Variants in PTTG1IP2 observed in about 807,000 individuals in gnomAD.
PTTG1IP2 encodes the protein PTTG1IP family member 2.
At chr7:90,509,657 G>A (rs933066078) in intron 6 of PTTG1IP2, among the ~76,000 whole-genome samples, 5 of 152,156 alleles carry the variant, frequency 3.3e-5, no homozygotes, top group Non-Finnish European at 5.9e-5. Flanking sequence ...CATGAAGCCA[G>A]GGGTGTGGGT....
Position 90,513,251 on chromosome 7 carries a change from A to G in PTTG1IP2, c.*51-27A>G, listed in dbSNP as rs532502212. On this transcript the variant is annotated intron_variant, in intron 6 of 6. Transcript: ENST00000509356. ...GAGTTAGCACTGTATTGTATTTCCA[A>G]TAATGAATGTGTCTTTTTTCTTTCA... The G allele has an allele frequency of 7.7e-4, 117 of 152,768 alleles. 1 individual carries two copies. The highest frequency in any genetic ancestry group is 2.6e-3 in the African/African-American group (110 of 41,568). 9.5% of individuals were successfully genotyped at this position (152,768 alleles called of 1,614,324 possible).
chr7:90,499,067 G>A (rs1302673724), intron 6 of PTTG1IP2, among the ~76,000 whole-genome samples: 1 of 152,100 alleles, frequency 6.6e-6, no homozygotes, highest in African/African-American at 2.4e-5. Context: ...GCCCAGGCTG[G>A]TCTCGAACCC....
chr7:90,485,337 C>T (rs1797861827), intron 2 of PTTG1IP2, among the ~76,000 whole-genome samples: 1 of 152,112 alleles, frequency 6.6e-6, no homozygotes, highest in African/African-American at 2.4e-5. Flanking sequence ...ATTGGACTTA[C>T]CCAAGGTCAC....
chr7:90,491,501 T>C (rs1054140523), intron 4 of PTTG1IP2, among the ~76,000 whole-genome samples: 2 of 152,036 alleles, frequency 1.3e-5, no homozygotes, highest in Non-Finnish European at 2.9e-5. Flanking sequence ...CACGCACCTA[T>C]GGTTCCAGCT....
At chr7:90,503,196 C>G (rs1798080762) in intron 6 of PTTG1IP2, among the ~76,000 whole-genome samples, 1 of 152,182 alleles carries the variant, frequency 6.6e-6, no homozygotes. Flanking sequence ...TCCAATGTTT[C>G]TTCTGCAGCT....
intron 1 of PTTG1IP2, among the ~76,000 whole-genome samples, chr7:90,472,774 A>G (rs770341839): frequency 2.0e-5 from 3 of 152,294 alleles, no homozygotes; most frequent in Non-Finnish European, 4.4e-5. Flanking sequence ...TGTTATATAT[A>G]CACAGAGTGA....
chr7:90,488,575 C>T lies in PTTG1IP2; in HGVS notation c.287-296C>T, dbSNP rs530742646. Among the ~76,000 whole-genome samples the T allele has an allele frequency of 2.6e-5, 4 of 151,892 alleles. No homozygotes were observed. The East Asian group carries it at 5.8e-4, about 22-fold the overall frequency. On this transcript the variant is annotated intron_variant, in intron 3 of 6. Coordinates refer to ENST00000509356, the MANE Select transcript of PTTG1IP2 (RefSeq NM_001365443.2). ...GTTGTTTTACCTATTAAGATAGTAC[C>T]AGAAATGAGTTTAGAGGTAAAATAA...
intron 6 of PTTG1IP2, among the ~76,000 whole-genome samples, chr7:90,502,209 C>T (rs1308151353): frequency 2.0e-5 from 3 of 152,184 alleles, no homozygotes; most frequent in Admixed American, 6.5e-5. Flanking sequence ...CAGTGAAGTC[C>T]TTCTCCCCAA....
At chr7:90,492,702 T>C (rs945774128) in intron 5 of PTTG1IP2, among the ~76,000 whole-genome samples, 1 of 152,146 alleles carries the variant, frequency 6.6e-6, no homozygotes, top group African/African-American at 2.4e-5. Flanking sequence ...AAAGATGGGC[T>C]AAAATTTTCC....
chr7:90,496,028 C>A (rs925019274), intron 6 of PTTG1IP2, among the ~76,000 whole-genome samples: 1 of 152,138 alleles, frequency 6.6e-6, no homozygotes, highest in African/African-American at 2.4e-5. Context: ...ATAAATGATC[C>A]TCTTAATGTG....
At chr7:90,486,777 A>G (rs1192979511) in intron 2 of PTTG1IP2, among the ~76,000 whole-genome samples, 1 of 152,184 alleles carries the variant, frequency 6.6e-6, no homozygotes, top group African/African-American at 2.4e-5. Flanking sequence ...GTGAAATAAT[A>G]TCTTTGGTTT....
intron 6 of PTTG1IP2, among the ~76,000 whole-genome samples, chr7:90,504,812 C>T (rs994848007): frequency 6.6e-6 from 1 of 152,226 alleles, no homozygotes; most frequent in Non-Finnish European, 1.5e-5. Flanking sequence ...ACTTTTGTCT[C>T]ATGGCTGATT....
chr7:90,501,433 C>T (rs1005676554), intron 6 of PTTG1IP2, among the ~76,000 whole-genome samples: 7 of 152,136 alleles, frequency 4.6e-5, no homozygotes, highest in African/African-American at 1.4e-4. Context: ...CTTTTGGAAG[C>T]GAGGTGAGAG....
chr7:90,499,508 A>C (rs1361290672), intron 6 of PTTG1IP2, among the ~76,000 whole-genome samples: 1 of 152,232 alleles, frequency 6.6e-6, no homozygotes, highest in Non-Finnish European at 1.5e-5. Flanking sequence ...TAATAATCAT[A>C]TAAAGACTTT....
intron 1 of PTTG1IP2, among the ~76,000 whole-genome samples, chr7:90,478,179 C>T (rs1797774003): frequency 6.6e-6 from 1 of 150,604 alleles, no homozygotes; most frequent in South Asian, 2.1e-4. Context: ...AGAATCTTCA[C>T]AATTTTTCTG....
chr7:90,475,728 A>G (rs140530211), intron 1 of PTTG1IP2, among the ~76,000 whole-genome samples: 29 of 152,302 alleles, frequency 1.9e-4, no homozygotes, highest in African/African-American at 5.1e-4. Context: ...TGGGAGGCCA[A>G]TGTGGGTGGA....
At chr7:90,475,331 G>C (rs1040166282) in intron 1 of PTTG1IP2, among the ~76,000 whole-genome samples, 11 of 152,128 alleles carry the variant, frequency 7.2e-5, no homozygotes, top group African/African-American at 2.4e-4. Context: ...TTGGCACATT[G>C]AGCAAGGAAA....
Position 90,480,209 on chromosome 7 carries a change from A to G in PTTG1IP2, c.192+935A>G, listed in dbSNP as rs186586312. Reference sequence around the variant, plus strand: ...CATCTCTGAACCCTGCACAATCTACATTGGCTCTTACATTCTCACTCCCTT... The same window carrying G: ...CATCTCTGAACCCTGCACAATCTACGTTGGCTCTTACATTCTCACTCCCTT... On this transcript the variant is annotated intron_variant, in intron 2 of 6. Coordinates refer to ENST00000509356, the MANE Select transcript of PTTG1IP2 (RefSeq NM_001365443.2). 3.0e-4 allele frequency among the ~76,000 whole-genome samples: 45 copies of G among 152,214 alleles called. 1 individual carries two copies. The highest frequency in any genetic ancestry group is 8.3e-4 in the South Asian group (4 of 4,820).
At chr7:90,496,966 C>T (rs1302010652) in intron 6 of PTTG1IP2, among the ~76,000 whole-genome samples, 3 of 152,118 alleles carry the variant, frequency 2.0e-5, no homozygotes, top group Non-Finnish European at 2.9e-5. Flanking sequence ...CAGAGAATGT[C>T]GTTTAATTTC....
Sources: allele counts gnomAD v4.1 joint callset (sites outside exome capture counted in the v4.1 genomes callset), GRCh38; gene constraint gnomAD v4.1.1; transcripts MANE v1.5; gene names NCBI Gene and HGNC (gene_info 2026-07-23, HGNC 2026-07-21).